Variants in TENM2 observed in about 807,000 individuals in gnomAD.
The protein encoded by TENM2 is teneurin-2.
Under a neutral mutation model 245.2 loss-of-function variants are expected in TENM2, and 52 were observed. The ratio of observed to expected loss-of-function variants is 0.21; its 90% CI spans 0.17 to 0.27. The LOEUF (loss-of-function observed/expected upper bound fraction) is 0.27, where lower values mean the gene tolerates loss of function less well. Among genes scored for constraint, TENM2 ranks in the 10% least tolerant of loss-of-function variants. The pLI is 1.00. For missense variants in TENM2, 3,046 were observed against 3,666.8 expected (o/e 0.83, Z 4.37); for synonymous variants, 1,363 against 1,438.9 (o/e 0.95, Z 1.19).
In TENM2 at chr5:167,804,135, G is replaced by A. The variant is rs377473589; in HGVS notation, c.503-71851G>A. On this transcript the variant is annotated intron_variant, in intron 2 of 28. Transcript: ENST00000518659. ...AAATTCGAAGCATTTCTAGTCCCAA[G>A]CATTTTGGATAAGAGATACCTAATC... is the stretch of plus-strand genomic sequence containing the variant. 8.5e-4 allele frequency among the ~76,000 whole-genome samples: 130 copies of A among 152,058 alleles called. No homozygotes were observed. In the South Asian group the frequency reaches 0.026, roughly 30 times the overall value.
the TENM2 span, among the ~76,000 whole-genome samples, chr5:167,013,495 TA>T: frequency 6.6e-6 from 1 of 152,052 alleles, no homozygotes; most frequent in East Asian, 2.0e-4. Flanking sequence ...CTGACCACAT[TA>T]ATAAATTCAA....
At chr5:167,629,265 G>T (rs1482667941) in intron 2 of TENM2, among the ~76,000 whole-genome samples, 1 of 152,154 alleles carries the variant, frequency 6.6e-6, no homozygotes, top group Non-Finnish European at 1.5e-5. Flanking sequence ...GACATTAGGT[G>T]AATTTCTTAA....
intron 12 of TENM2, among the ~76,000 whole-genome samples, chr5:168,161,411 A>T (rs951563794): frequency 6.6e-6 from 1 of 152,204 alleles, no homozygotes; most frequent in African/African-American, 2.4e-5. Context: ...TAAGCAAGAA[A>T]ACATATCCCA....
At chr5:167,311,649 G>A (rs1240922538) in intron 1 of TENM2, among the ~76,000 whole-genome samples, 2 of 152,154 alleles carry the variant, frequency 1.3e-5, no homozygotes, top group East Asian at 3.9e-4. Flanking sequence ...ATAAATCTTT[G>A]TGTATGTCAC....
At chr5:167,021,215 C>T in the TENM2 span, among the ~76,000 whole-genome samples, 2 of 152,130 alleles carry the variant, frequency 1.3e-5, no homozygotes, top group African/African-American at 4.8e-5. Flanking sequence ...GCCTTATAAC[C>T]TTTCACATAA....
At chr5:168,167,852 T>C (rs939172925) in intron 13 of TENM2, among the ~76,000 whole-genome samples, 3 of 152,218 alleles carry the variant, frequency 2.0e-5, no homozygotes, top group African/African-American at 7.2e-5. Flanking sequence ...TGTCACTAGC[T>C]GGTGTGAAGT....
intron 3 of TENM2, among the ~76,000 whole-genome samples, chr5:167,938,292 A>C (rs992408609): frequency 6.6e-6 from 1 of 152,240 alleles, no homozygotes; most frequent in Non-Finnish European, 1.5e-5. Context: ...CCAACAGAAT[A>C]GTGACTTAGC....
chr5:167,509,435 G>A (rs980257116), intron 2 of TENM2, among the ~76,000 whole-genome samples: 3 of 152,146 alleles, frequency 2.0e-5, no homozygotes, highest in South Asian at 2.1e-4. Context: ...GAAAAGTTGC[G>A]TTTGCTCTAC....
intron 2 of TENM2, among the ~76,000 whole-genome samples, chr5:167,590,115 TA>T (rs5873048): frequency 0.65 from 98,862 of 151,574 alleles, 32,551 homozygotes; most frequent in Middle Eastern, 0.73. Context: ...ACATTTTTCT[TA>T]AAAAAGTCAG....
At chr5:167,578,717 CCT>C (rs1774879887) in intron 2 of TENM2, among the ~76,000 whole-genome samples, 1 of 152,062 alleles carries the variant, frequency 6.6e-6, no homozygotes, top group Non-Finnish European at 1.5e-5. Context: ...GAATTAATTG[CCT>C]CTCTGAATTG....
chr5:167,398,596 T>G (rs1762202496), intron 2 of TENM2, among the ~76,000 whole-genome samples: 1 of 151,946 alleles, frequency 6.6e-6, no homozygotes, highest in Non-Finnish European at 1.5e-5. Flanking sequence ...TGCACCACCA[T>G]GCCCAGCTAA....
intron 12 of TENM2, among the ~76,000 whole-genome samples, chr5:168,134,883 A>T (rs1754910286): frequency 6.6e-6 from 1 of 152,168 alleles, no homozygotes; most frequent in South Asian, 2.1e-4. Context: ...CCCGGAATGG[A>T]ACCTGCTTAT....
chr5:167,896,589 A>G (rs1775244695), intron 3 of TENM2, among the ~76,000 whole-genome samples: 1 of 152,210 alleles, frequency 6.6e-6, no homozygotes, highest in Non-Finnish European at 1.5e-5. Context: ...GAAGAGAAAT[A>G]AAACATTTAC....
In TENM2 at chr5:167,687,845, GA is replaced by G. The variant is rs1296168338; in HGVS notation, c.503-188133del. On this transcript the variant is annotated intron_variant, in intron 2 of 28. Coordinates refer to ENST00000518659, the Ensembl canonical transcript of TENM2. ...ACATTAGAATAAACAAATAAGCCAA[GA>G]AAAAAAAGCACTTGAAAATAGACTG... Among the ~76,000 whole-genome samples, 9 of 151,762 alleles carry G rather than the reference GA, an allele frequency of 5.9e-5. No homozygotes were observed. The South Asian group carries it at 1.0e-3, about 18-fold the overall frequency.
chr5:167,728,609 A>AATG (rs1561713178), intron 2 of TENM2: 2 of 143,914 alleles, frequency 1.4e-5, no homozygotes, highest in African/African-American at 5.4e-5. Flanking sequence ...CAAAATAAAT[A>AATG]AATAAATGAA....
the TENM2 span, among the ~76,000 whole-genome samples, chr5:167,145,280 A>G: frequency 2.0e-5 from 3 of 152,322 alleles, no homozygotes; most frequent in Middle Eastern, 3.4e-3. Flanking sequence ...CTTTGGAGGA[A>G]GATGGATCTG....
At chr5:168,229,934 T>TTGA (rs1159767426) in intron 25 of TENM2, 14 of 152,264 alleles carry the variant, frequency 9.2e-5, no homozygotes, top group African/African-American at 3.4e-4. Context: ...TAATTGATTT[T>TTGA]TGATATGCTG....
chr5:168,233,776 G>A (rs1384505941), intron 25 of TENM2, among the ~76,000 whole-genome samples: 1 of 152,152 alleles, frequency 6.6e-6, no homozygotes, highest in Non-Finnish European at 1.5e-5. Flanking sequence ...ACATGGCTGG[G>A]GAGGCCTCAG....
intron 27 of TENM2, among the ~76,000 whole-genome samples, chr5:168,249,555 G>A (rs1766911563): frequency 6.6e-6 from 1 of 152,014 alleles, no homozygotes; most frequent in African/African-American, 2.4e-5. Context: ...AAGAATTCAT[G>A]GGACCTTGGC....
Sources: gnomAD v4.1 joint callset for allele counts (sites outside exome capture counted in the v4.1 genomes callset) on GRCh38, gnomAD v4.1.1 for gene constraint, MANE v1.5 for transcripts, NCBI Gene and HGNC (gene_info 2026-07-23, HGNC 2026-07-21) for gene names.